NTN4: variants seen among roughly 807,000 people sequenced by gnomAD.
The protein encoded by NTN4 is netrin-4.
In NTN4, 32 loss-of-function variants were observed where a neutral mutation model predicts 73.6. The observed-to-expected ratio is 0.44, with a 90% confidence interval of 0.33 to 0.58. The LOEUF is 0.58. Ranked by LOEUF, NTN4 falls within the 20% of genes least tolerant of loss-of-function variation. NTN4 has a pLI of 0.04. For missense variants in NTN4, 654 were observed against 798.3 expected, an observed-to-expected ratio of 0.82 and a Z score of 2.18; for synonymous variants, 258 against 287.5, an observed-to-expected ratio of 0.90 and a Z score of 1.04.
intron 9 of NTN4, 33 bp downstream of exon 9, chr12:95,665,777 G>A: frequency 6.5e-7 from 1 of 1,541,258 alleles, no homozygotes; most frequent in Non-Finnish European, 8.8e-7. Flanking sequence ...CAGAGACAAG[G>A]TAGGTACTAA....
chr12:95,779,735 A>G (rs1223779374), intron 2 of NTN4, among the ~76,000 whole-genome samples: 1 of 152,108 alleles, frequency 6.6e-6, no homozygotes, highest in African/African-American at 2.4e-5. Flanking sequence ...TACTGCCCAA[A>G]GTAATTTATA....
In NTN4 at chr12:95,659,077, A is replaced by C. The variant is rs1373618303; in HGVS notation, c.*9T>G. 1.9e-6 allele frequency: 3 copies of C among 1,608,468 alleles called. No individual in the cohort carries two copies. The highest frequency in any genetic ancestry group is 1.3e-5 in the African/African-American group (1 of 74,830). ...AGACAAGTGCCATTATGTGCTATCC[A>C]TCTTAATGCTACTTGCACTCTCTTT... On this transcript the variant is annotated 3_prime_UTR_variant, in exon 10 of 10. Coordinates refer to ENST00000343702, the MANE Select transcript of NTN4 (RefSeq NM_021229.4).
chr12:95,678,817 T>A (rs1392186946), intron 7 of NTN4, among the ~76,000 whole-genome samples: 1 of 152,042 alleles, frequency 6.6e-6, no homozygotes, highest in Non-Finnish European at 1.5e-5. Context: ...ATCCTTTATA[T>A]CAATAATCAT....
chr12:95,690,055 C>T (rs1194035109), intron 5 of NTN4, among the ~76,000 whole-genome samples: 1 of 152,078 alleles, frequency 6.6e-6, no homozygotes. Flanking sequence ...GAGGACTAAA[C>T]CAGAGATAAT....
chr12:95,750,090 C>G (rs150512834), intron 2 of NTN4, among the ~76,000 whole-genome samples: 17,905 of 151,898 alleles, frequency 0.12, 1,461 homozygotes, highest in Non-Finnish European at 0.17. Context: ...AACCTCGTAT[C>G]TCTGCGCCCC....
intron 2 of NTN4, among the ~76,000 whole-genome samples, chr12:95,769,361 G>A (rs1032409159): frequency 2.0e-5 from 3 of 152,086 alleles, no homozygotes; most frequent in Non-Finnish European, 4.4e-5. Context: ...AGACAAATAG[G>A]AGCCAGAGCA....
At chr12:95,762,166 T>C (rs1383668982) in intron 2 of NTN4, among the ~76,000 whole-genome samples, 1 of 152,186 alleles carries the variant, frequency 6.6e-6, no homozygotes, top group African/African-American at 2.4e-5. Context: ...TAGACTAGAA[T>C]GTACTTTCCA....
chr12:95,790,127 C>T lies in NTN4; in HGVS notation c.55+128G>A. 1.4e-6 allele frequency: 1 copy of T among 710,656 alleles called. No individual in the cohort carries two copies. The highest frequency in any genetic ancestry group is 2.2e-6 in the Non-Finnish European group (1 of 448,888). The allele number at this position is 710,656 out of a possible 1,614,324, so 44.0% of individuals were successfully genotyped here. A position where few individuals can be genotyped will look rare whatever the true frequency, so the allele number is the denominator to read the frequency against. ...CCCGGGGAAAGGAGGCGGAACATGG[C>T]CACTCATTTCACCCTCGGGAGCAGC... On this transcript the variant is annotated intron_variant, in intron 1 of 9. Coordinates refer to ENST00000343702, the MANE Select transcript of NTN4 (RefSeq NM_021229.4). The surrounding 1 kb of genome is among the most constrained non-coding windows in gnomAD (Gnocchi z 6.5).
At chr12:95,672,408 C>G in intron 7 of NTN4, 3 of 1,096,294 alleles carry the variant, frequency 2.7e-6, no homozygotes, top group Non-Finnish European at 4.2e-6. Context: ...GGCAGGCCAC[C>G]AGGAGGTGAA....
At chr12:95,684,918 G>A (rs2078349739) in intron 5 of NTN4, among the ~76,000 whole-genome samples, 1 of 152,038 alleles carries the variant, frequency 6.6e-6, no homozygotes, top group Admixed American at 6.6e-5. Context: ...GTTCCAGGCT[G>A]GAATGCAGTG....
At chr12:95,787,568 G>T in intron 1 of NTN4, 100 bp from the exon 2 acceptor site, 1 of 1,171,182 alleles carries the variant, frequency 8.5e-7, no homozygotes, top group Non-Finnish European at 1.2e-6. Flanking sequence ...CCCCAAAAGC[G>T]CTTGAGACTT....
intron 2 of NTN4, among the ~76,000 whole-genome samples, chr12:95,761,799 A>T (rs4322470): frequency 0.017 from 2,619 of 152,238 alleles, 217 homozygotes; most frequent in Admixed American, 0.14. Context: ...TTATATCTAC[A>T]TTTCTATTAA....
chr12:95,767,892 C>T (rs1049396180), intron 2 of NTN4, among the ~76,000 whole-genome samples: 3 of 152,140 alleles, frequency 2.0e-5, no homozygotes, highest in African/African-American at 7.2e-5. Flanking sequence ...ATGACATCGT[C>T]CTTGTTGAGA....
intron 5 of NTN4, among the ~76,000 whole-genome samples, chr12:95,695,502 T>A (rs1406322224): frequency 2.0e-5 from 3 of 152,040 alleles, no homozygotes; most frequent in Non-Finnish European, 4.4e-5. Context: ...GTAGCTGGGG[T>A]TACAGGTGTG....
At chr12:95,768,232 A>C (rs4762616) in intron 2 of NTN4, among the ~76,000 whole-genome samples, 4 of 151,924 alleles carry the variant, frequency 2.6e-5, no homozygotes, top group Non-Finnish European at 5.9e-5. Flanking sequence ...AGAGGTGAAC[A>C]TAGGATACTG....
chr12:95,758,567 A>T (rs2078962934), intron 2 of NTN4, among the ~76,000 whole-genome samples: 2 of 151,854 alleles, frequency 1.3e-5, no homozygotes, highest in Admixed American at 6.6e-5. Flanking sequence ...TTTTTATTTT[A>T]TTTTATTTTT....
At chr12:95,704,872 G>A (rs11614774) in intron 5 of NTN4, among the ~76,000 whole-genome samples, 44,588 of 152,030 alleles carry the variant, frequency 0.29, 7,487 homozygotes, top group South Asian at 0.47. Context: ...TCTGGAGAGG[G>A]AAAGAAAGAA....
chr12:95,746,930 G>T (rs1319800264), intron 2 of NTN4, among the ~76,000 whole-genome samples: 2 of 152,146 alleles, frequency 1.3e-5, no homozygotes, highest in African/African-American at 2.4e-5. Flanking sequence ...CAGTTTTTTA[G>T]TAGTTTCAGG....
Position 95,726,676 on chromosome 12 carries a change from G to T in NTN4, c.864+11190C>A, listed in dbSNP as rs528553608. On this transcript the variant is annotated intron_variant, in intron 3 of 9. Coordinates refer to ENST00000343702, the MANE Select transcript of NTN4 (RefSeq NM_021229.4). ...ATGGCAACTCCATATTAAAATTTTT[G>T]ACAGGGTTGGGCATGGTGGTTCACG... is the stretch of plus-strand genomic sequence containing the variant. Among the ~76,000 whole-genome samples the T allele has an allele frequency of 1.2e-4, 19 of 152,200 alleles. 1 individual carries two copies. In the East Asian group the frequency reaches 3.5e-3, roughly 28 times the overall value.
Sources: gnomAD v4.1 joint callset for allele counts (sites outside exome capture counted in the v4.1 genomes callset) on GRCh38, gnomAD v4.1.1 for gene constraint, Gnocchi (gnomAD v3.1) non-coding constraint, MANE v1.5 for transcripts, NCBI Gene and HGNC (gene_info 2026-07-23, HGNC 2026-07-21) for gene names.